Variants in WWOX observed in about 807,000 individuals in gnomAD.
WWOX encodes the protein WW domain-containing oxidoreductase.
A neutral mutation model predicts 46.2 loss-of-function variants in WWOX; 69 were observed. That is an observed-to-expected ratio of 1.49 (90% confidence interval 1.23 to 1.82). The LOEUF (loss-of-function observed/expected upper bound fraction) is 1.82. Ranked by LOEUF, WWOX falls within the 40% of genes most tolerant of loss-of-function variation. The pLI is 0.00. For missense variants in WWOX, 919 were observed against 542.6 expected (o/e 1.69, Z -6.89); for synonymous variants, 359 against 202.6 (o/e 1.77, Z -6.56).
At chr16:78,771,026 C>G (rs953598730) in intron 8 of WWOX, among the ~76,000 whole-genome samples, 7 of 152,216 alleles carry the variant, frequency 4.6e-5, no homozygotes, top group Admixed American at 1.3e-4. Context: ...GCAGAACATT[C>G]TAGGCAGAAG....
intron 8 of WWOX, among the ~76,000 whole-genome samples, chr16:78,954,521 G>C (rs923921101): frequency 1.3e-5 from 2 of 152,086 alleles, no homozygotes; most frequent in Non-Finnish European, 2.9e-5. Context: ...AAAAATAAGG[G>C]AGCTGCCCAA....
At chr16:78,175,001 A>G (rs1014188583) in intron 5 of WWOX, among the ~76,000 whole-genome samples, 1 of 132,818 alleles carries the variant, frequency 7.5e-6, no homozygotes. Flanking sequence ...AATAATAGTA[A>G]TAATAATAAT....
intron 5 of WWOX, among the ~76,000 whole-genome samples, chr16:78,290,925 C>T (rs1013559595): frequency 7.9e-5 from 12 of 152,106 alleles, no homozygotes; most frequent in Non-Finnish European, 1.5e-4. Flanking sequence ...GCTTAAATTC[C>T]TGTAAGACTA....
chr16:79,084,144 G>A (rs1241701565), intron 8 of WWOX, among the ~76,000 whole-genome samples: 2 of 152,128 alleles, frequency 1.3e-5, no homozygotes, highest in Admixed American at 1.3e-4. Context: ...GACCAAAGGA[G>A]GGTGGGGCCG....
rs191836846 is a variant in WWOX, at chr16:78,759,391, C to G, written c.1056+326639C>G. On this transcript the variant is annotated intron_variant, in intron 8 of 8. Coordinates refer to ENST00000566780, the MANE Select transcript of WWOX (RefSeq NM_016373.4). ...TGTTTCTTTTTCTATTCTACCCTCTCTCTGCTTTTTCTTCTCTCACTGCTG... is the reference window on the plus strand; with the variant it reads ...TGTTTCTTTTTCTATTCTACCCTCTGTCTGCTTTTTCTTCTCTCACTGCTG... Among the ~76,000 whole-genome samples, 221 of 152,302 alleles carry G rather than the reference C, an allele frequency of 1.5e-3. 1 individual carries two copies. The highest frequency in any genetic ancestry group is 4.6e-3 in the South Asian group (22 of 4,820).
chr16:78,501,802 G>T (rs1238265824), intron 8 of WWOX, among the ~76,000 whole-genome samples: 1 of 152,140 alleles, frequency 6.6e-6, no homozygotes, highest in Admixed American at 6.5e-5. Context: ...CTCCCAAACT[G>T]CTGGAATCTG....
chr16:79,050,553 G>A (rs543124639), intron 8 of WWOX, among the ~76,000 whole-genome samples: 1 of 152,206 alleles, frequency 6.6e-6, no homozygotes, highest in Admixed American at 6.5e-5. Flanking sequence ...GGATACTGCA[G>A]TCCCAAAGCC....
chr16:79,022,427 T>C (rs2047552759), intron 8 of WWOX, among the ~76,000 whole-genome samples: 1 of 151,486 alleles, frequency 6.6e-6, no homozygotes, highest in Non-Finnish European at 1.5e-5. Flanking sequence ...CCCCAGTCGC[T>C]AGTAAATAAA....
At chr16:78,275,535 T>C (rs76826012) in intron 5 of WWOX, among the ~76,000 whole-genome samples, 16,219 of 152,218 alleles carry the variant, frequency 0.11, 1,067 homozygotes, top group Non-Finnish European at 0.14. Context: ...GATGAGTGAT[T>C]TAGCCAGGTG....
intron 5 of WWOX, among the ~76,000 whole-genome samples, chr16:78,364,582 T>C (rs547088677): frequency 3.3e-5 from 5 of 152,030 alleles, no homozygotes; most frequent in Admixed American, 1.3e-4. Flanking sequence ...AAAAAAAAAT[T>C]TGTGGTTACA....
chr16:79,092,029 C>A (rs911334366), intron 8 of WWOX, among the ~76,000 whole-genome samples: 3 of 152,024 alleles, frequency 2.0e-5, no homozygotes, highest in Admixed American at 1.3e-4. Flanking sequence ...TCTTTTCTCG[C>A]CTCGGCCTCC....
At chr16:78,433,044 T>G (rs72797979) in intron 8 of WWOX, among the ~76,000 whole-genome samples, 6,680 of 152,224 alleles carry the variant, frequency 0.044, 198 homozygotes, top group South Asian at 0.15. Context: ...TTGTTTTTTT[T>G]GGGGTTTTTT....
chr16:78,984,168 G>A (rs1403727231), intron 8 of WWOX, among the ~76,000 whole-genome samples: 2 of 151,990 alleles, frequency 1.3e-5, no homozygotes, highest in African/African-American at 4.8e-5. Flanking sequence ...ATGAGCCATC[G>A]CGCCCGGCCA....
intron 5 of WWOX, among the ~76,000 whole-genome samples, chr16:78,382,845 G>C (rs992029542): frequency 6.6e-6 from 1 of 151,988 alleles, no homozygotes; most frequent in Non-Finnish European, 1.5e-5. Flanking sequence ...AGTTGTGTTA[G>C]TTCCTTCTCA....
chr16:78,879,887 A>AAAAAG (rs768209702), intron 8 of WWOX, among the ~76,000 whole-genome samples: 1 of 151,670 alleles, frequency 6.6e-6, no homozygotes, highest in Non-Finnish European at 1.5e-5. Context: ...CAAAAAAAAA[A>AAAAAG]AAGAAGAAGA....
intron 5 of WWOX, among the ~76,000 whole-genome samples, chr16:78,248,262 C>G (rs764984489): frequency 2.0e-5 from 3 of 152,094 alleles, no homozygotes; most frequent in Non-Finnish European, 4.4e-5. Flanking sequence ...GAAAGCATCT[C>G]ACATGGTGCA....
chr16:79,064,395 T>G (rs1017148408), intron 8 of WWOX, among the ~76,000 whole-genome samples: 2 of 152,184 alleles, frequency 1.3e-5, no homozygotes, highest in Non-Finnish European at 2.9e-5. Flanking sequence ...TATCTAGACC[T>G]AAAGGTTATT....
chr16:79,208,125 A>C (rs2051581110), intron 8 of WWOX, among the ~76,000 whole-genome samples: 1 of 152,214 alleles, frequency 6.6e-6, no homozygotes, highest in Non-Finnish European at 1.5e-5. Flanking sequence ...AATCCCAAAC[A>C]AGAGTCCTGG....
At chr16:78,443,932 G>A (rs1055694634) in intron 8 of WWOX, among the ~76,000 whole-genome samples, 1 of 152,146 alleles carries the variant, frequency 6.6e-6, no homozygotes, top group African/African-American at 2.4e-5. Flanking sequence ...TTAAACCGAG[G>A]CCAAGAGTTT....
Sources: allele counts gnomAD v4.1 joint callset (sites outside exome capture counted in the v4.1 genomes callset), GRCh38; gene constraint gnomAD v4.1.1; transcripts MANE v1.5; gene names NCBI Gene and HGNC (gene_info 2026-07-23, HGNC 2026-07-21).